GALNT13: variants seen among roughly 807,000 people sequenced by gnomAD.
The protein encoded by GALNT13 is UDP-GalNAc:polypeptide N-acetylgalactosaminyltransferase 13.
Under a neutral mutation model 64.2 loss-of-function variants are expected in GALNT13, and 28 were observed. The observed-to-expected ratio is 0.44, with a 90% confidence interval of 0.32 to 0.60. The LOEUF (loss-of-function observed/expected upper bound fraction) is 0.60, where lower values mean the gene tolerates loss of function less well. Ranked by LOEUF, GALNT13 falls within the 20% of genes least tolerant of loss-of-function variation. The pLI is 0.05. For missense variants in GALNT13, 577 were observed against 669.8 expected (o/e 0.86, Z 1.53); for synonymous variants, 214 against 224.6 (o/e 0.95, Z 0.42).
the GALNT13 span, among the ~76,000 whole-genome samples, chr2:153,471,446 A>G: frequency 2.6e-5 from 4 of 151,664 alleles, no homozygotes; most frequent in East Asian, 7.7e-4. Flanking sequence ...GAAGAGAAAT[A>G]GAGAAGGAAT....
At chr2:153,422,341 A>C in the GALNT13 span, among the ~76,000 whole-genome samples, 1 of 152,220 alleles carries the variant, frequency 6.6e-6, no homozygotes, top group Non-Finnish European at 1.5e-5. Flanking sequence ...AAAGATGAGA[A>C]TAGAAGATTT....
chr2:154,374,100 T>C (rs1192737536), intron 9 of GALNT13, among the ~76,000 whole-genome samples: 1 of 152,166 alleles, frequency 6.6e-6, no homozygotes, highest in Non-Finnish European at 1.5e-5. Flanking sequence ...TTCTTCCTTC[T>C]TCACTCTTGT....
At chr2:153,118,569 C>T in the GALNT13 span, among the ~76,000 whole-genome samples, 1 of 152,132 alleles carries the variant, frequency 6.6e-6, no homozygotes, top group Admixed American at 6.5e-5. Flanking sequence ...TACTAGAGGT[C>T]TGCCACATAT....
In GALNT13 at chr2:153,944,591, A is replaced by G; in HGVS notation, c.94A>G (p.Asn32Asp). The G allele has an allele frequency of 6.2e-7, 1 of 1,613,630 alleles. No individual in the cohort carries two copies. The highest frequency in any genetic ancestry group is 8.5e-7 in the Non-Finnish European group (1 of 1,179,676). Residue 32 changes from asparagine to aspartate, a missense_variant, in exon 3 of 13, where the codon AAC becomes GAC. Physicochemically the swap from Asn to Asp is conservative, Grantham distance 23. Coordinates refer to ENST00000392825, the MANE Select transcript of GALNT13 (RefSeq NM_052917.4). Reference sequence around the variant, plus strand: ...CTTACTGCTGTACTTCAGTGAATGTAACAAATGTGATGACAAGAAGGAGAG... The same window carrying G: ...CTTACTGCTGTACTTCAGTGAATGTGACAAATGTGATGACAAGAAGGAGAG... ...VFLLLYFSEC[N>D]KCDDKKERSL...
the GALNT13 span, among the ~76,000 whole-genome samples, chr2:153,617,393 C>T: frequency 2.6e-5 from 4 of 152,006 alleles, no homozygotes; most frequent in South Asian, 2.1e-4. Context: ...GAACCATCCT[C>T]GCATCCCAGG....
At chr2:153,726,101 G>C in the GALNT13 span, among the ~76,000 whole-genome samples, 1 of 152,012 alleles carries the variant, frequency 6.6e-6, no homozygotes, top group Admixed American at 6.6e-5. Context: ...ACATTTTAAT[G>C]TATATTTGGA....
At chr2:153,109,594 T>G in the GALNT13 span, among the ~76,000 whole-genome samples, 2 of 152,142 alleles carry the variant, frequency 1.3e-5, no homozygotes, top group Non-Finnish European at 2.9e-5. Flanking sequence ...GCTGGAAATT[T>G]TCAGATTAAG....
chr2:153,659,295 C>A, the GALNT13 span, among the ~76,000 whole-genome samples: 6 of 147,768 alleles, frequency 4.1e-5, no homozygotes, highest in African/African-American at 1.5e-4. Context: ...GAAGTGTGAT[C>A]ATTGCATATC....
the GALNT13 span, among the ~76,000 whole-genome samples, chr2:153,735,124 C>T: frequency 2.0e-5 from 3 of 152,114 alleles, no homozygotes; most frequent in East Asian, 1.9e-4. Context: ...TTTGGAGCTG[C>T]ATTTCTAAAT....
chr2:153,082,779 G>C, the GALNT13 span, among the ~76,000 whole-genome samples: 4 of 141,312 alleles, frequency 2.8e-5, no homozygotes, highest in South Asian at 8.9e-4. Flanking sequence ...ATTATTTATT[G>C]AATAAATAAA....
At chr2:153,236,897 A>C in the GALNT13 span, among the ~76,000 whole-genome samples, 7 of 152,132 alleles carry the variant, frequency 4.6e-5, no homozygotes, top group Non-Finnish European at 8.8e-5. Flanking sequence ...AGTAAATTGA[A>C]AACTTTCTGG....
At chr2:153,255,894 T>G in the GALNT13 span, among the ~76,000 whole-genome samples, 3 of 152,230 alleles carry the variant, frequency 2.0e-5, no homozygotes, top group South Asian at 6.2e-4. Flanking sequence ...CTGGCTGTCC[T>G]TAACATTTTT....
chr2:154,152,161 A>G (rs1044252140), intron 4 of GALNT13, among the ~76,000 whole-genome samples: 3 of 152,066 alleles, frequency 2.0e-5, no homozygotes, highest in African/African-American at 7.2e-5. Flanking sequence ...GCTTGTCTGT[A>G]AAGTATTTTA....
the GALNT13 span, among the ~76,000 whole-genome samples, chr2:153,422,794 TA>T: frequency 6.6e-6 from 1 of 152,096 alleles, no homozygotes; most frequent in African/African-American, 2.4e-5. Flanking sequence ...CCTATTAAAA[TA>T]AATGAAATTA....
the GALNT13 span, among the ~76,000 whole-genome samples, chr2:153,356,975 G>T: frequency 6.6e-6 from 1 of 151,250 alleles, no homozygotes; most frequent in African/African-American, 2.4e-5. Context: ...CTTTTGTTTT[G>T]TTTTTTGTAT....
chr2:153,540,644 G>A, the GALNT13 span, among the ~76,000 whole-genome samples: 8 of 152,244 alleles, frequency 5.3e-5, no homozygotes, highest in Admixed American at 5.2e-4. Context: ...CGCAGGGGCA[G>A]AACTGCCCAA....
the GALNT13 span, among the ~76,000 whole-genome samples, chr2:153,168,142 G>C: frequency 6.6e-6 from 1 of 152,182 alleles, no homozygotes; most frequent in Non-Finnish European, 1.5e-5. Context: ...AGGAAGGCAA[G>C]ATGATATGTT....
At chr2:153,091,566 G>A in the GALNT13 span, among the ~76,000 whole-genome samples, 1 of 152,124 alleles carries the variant, frequency 6.6e-6, no homozygotes, top group Non-Finnish European at 1.5e-5. Flanking sequence ...GTAGTTCTTG[G>A]AGCAAAAAAT....
chr2:153,858,675 T>G, the GALNT13 span, among the ~76,000 whole-genome samples: 6 of 152,312 alleles, frequency 3.9e-5, no homozygotes, highest in Non-Finnish European at 8.8e-5. Flanking sequence ...TTAAACCTTA[T>G]CATTGGTATG....
Sources: gnomAD v4.1 joint callset for allele counts (sites outside exome capture counted in the v4.1 genomes callset) on GRCh38, gnomAD v4.1.1 for gene constraint, MANE v1.5 for transcripts, NCBI Gene and HGNC (gene_info 2026-07-23, HGNC 2026-07-21) for gene names.